GARS1: variants seen among roughly 807,000 people sequenced by gnomAD.
The protein encoded by GARS1 is glycine--tRNA ligase.
Under a neutral mutation model 86.4 loss-of-function variants are expected in GARS1, and 46 were observed. That is an observed-to-expected ratio of 0.53 (90% CI 0.42 to 0.68). The LOEUF is 0.68. GARS1 is among the 30% of genes least tolerant of loss of function. GARS1 has a pLI of 0.00. For missense variants in GARS1, 797 were observed against 915.6 expected, an observed-to-expected ratio of 0.87 and a Z score of 1.67; for synonymous variants, 342 against 329.8, an observed-to-expected ratio of 1.04 and a Z score of -0.40.
intron 14 of GARS1, among the ~76,000 whole-genome samples, chr7:30,629,349 G>A (rs1486119582): frequency 6.6e-6 from 1 of 152,030 alleles, no homozygotes; most frequent in East Asian, 1.9e-4. Context: ...TTTTCTTTTC[G>A]GTCTGATGCT....
At chr7:30,596,517 C>G (rs182731334) in intron 1 of GARS1, among the ~76,000 whole-genome samples, 11 of 152,074 alleles carry the variant, frequency 7.2e-5, no homozygotes, top group African/African-American at 2.4e-4. Context: ...CCAAACCCCT[C>G]CCTCTGCCAC....
intron 6 of GARS1, among the ~76,000 whole-genome samples, chr7:30,606,389 T>A (rs1023872696): frequency 1.3e-5 from 2 of 151,962 alleles, no homozygotes; most frequent in Admixed American, 6.6e-5. Context: ...ACACGATTTG[T>A]AAAGAAAGGT....
intron 4 of GARS1, among the ~76,000 whole-genome samples, chr7:30,601,572 T>G (rs576427798): frequency 6.6e-6 from 1 of 152,240 alleles, no homozygotes; most frequent in African/African-American, 2.4e-5. Flanking sequence ...TTGTGCCATA[T>G]TGAAAGCATT....
At position 30,609,620 on chromosome 7, in the gene GARS1, T is replaced by G; in HGVS notation, c.771T>G (p.Leu257=). The G allele has an allele frequency of 6.2e-7, 1 of 1,613,388 alleles. No homozygotes were observed. ...DNYGQQELAD[L]FVNYNVKSPI... is the part of the protein sequence containing the mutation. ...ATGGACAGCAAGAACTTGCGGATCT[T>G]TTTGTGAACTATAATGTAAAATCTC... Residue 257 remains leucine, a synonymous_variant, in exon 7 of 17, where the codon CTT becomes CTG. Transcript: ENST00000389266.
intron 16 of GARS1, 82 bp from the exon 17 acceptor site, chr7:30,633,653 G>A: frequency 1.3e-6 from 2 of 1,533,548 alleles, no homozygotes; most frequent in Non-Finnish European, 1.8e-6. Flanking sequence ...TCTGTGTAAG[G>A]TTTCCTGAGT....
intron 15 of GARS1, among the ~76,000 whole-genome samples, chr7:30,631,771 T>A (rs764871659): frequency 6.6e-6 from 1 of 152,340 alleles, no homozygotes; most frequent in South Asian, 2.1e-4. Flanking sequence ...AAGAGTCAGA[T>A]TTAAAAATTA....
rs1197741418 is a variant in GARS1 at position 30,609,666 on chromosome 7, TC to T, written c.821del (p.Pro274LeufsTer7). 1 of 1,613,254 alleles carries T rather than the reference TC, an allele frequency of 6.2e-7. No individual in the cohort carries two copies. Among genetic ancestry groups the T allele is most frequent in the East Asian group, 2.2e-5 (1 of 44,826 alleles). On this transcript the variant is annotated frameshift_variant, in exon 7 of 17. Coordinates refer to ENST00000389266, the MANE Select transcript of GARS1 (RefSeq NM_002047.4). LOFTEE classifies it high-confidence loss of function. Reference sequence around the variant, plus strand: ...ATCTCCCATTACTGGAAATGATCTATCCCCTCCAGTGTCTTTTAACTTAATG... The same window carrying T: ...ATCTCCCATTACTGGAAATGATCTATCCCTCCAGTGTCTTTTAACTTAATG... The part of the protein sequence containing the change: ...VKSPITGNDL[S>X]PPVSFNLMFK...
chr7:30,602,050 G>A (rs1791390250), intron 4 of GARS1, among the ~76,000 whole-genome samples: 1 of 151,664 alleles, frequency 6.6e-6, no homozygotes, highest in South Asian at 2.1e-4. Flanking sequence ...CCAAAGTAGG[G>A]CAGAATTTCA....
rs117253158 is a variant in GARS1 at position 30,626,851 on chromosome 7, C to T, written c.1699+532C>T. 0.011 allele frequency among the ~76,000 whole-genome samples: 1,675 copies of T among 152,142 alleles called. 56 individuals are homozygous for T. The East Asian group carries it at 0.12, about 11-fold the overall frequency. Reference sequence around the variant, plus strand: ...CAAAAATTAGCTAGGCATGGAGACACGCACGTGTAATCCCAGCTACTCGGG... The same window carrying T: ...CAAAAATTAGCTAGGCATGGAGACATGCACGTGTAATCCCAGCTACTCGGG... On this transcript the variant is annotated intron_variant, in intron 13 of 16. Coordinates refer to ENST00000389266, the MANE Select transcript of GARS1 (RefSeq NM_002047.4).
intron 13 of GARS1, chr7:30,627,288 G>T: frequency 4.4e-6 from 1 of 227,462 alleles, no homozygotes; most frequent in Admixed American, 5.6e-5. Context: ...ACACTCTGGG[G>T]CTTTTCCGTC....
In GARS1 at chr7:30,607,643, T is replaced by C. The variant is rs907287665; in HGVS notation, c.736-1942T>C. Among the ~76,000 whole-genome samples the C allele has an allele frequency of 1.6e-4, 24 of 152,292 alleles. 1 individual carries two copies. In the South Asian group the frequency reaches 2.7e-3, roughly 17 times the overall value. ...GCAAACCAACATGGCACATGTATAC[T>C]TATGTATCAAACCTGCATGTTGTGC... On this transcript the variant is annotated intron_variant, in intron 6 of 16. Coordinates refer to ENST00000389266, the MANE Select transcript of GARS1 (RefSeq NM_002047.4).
At chr7:30,604,430 ATCTC>A (rs143051111) in intron 6 of GARS1, among the ~76,000 whole-genome samples, 7 of 149,038 alleles carry the variant, frequency 4.7e-5, no homozygotes, top group African/African-American at 7.4e-5. Flanking sequence ...CTTTACACCG[ATCTC>A]TCTCTCTCTC....
chr7:30,602,119 C>T (rs891630236), intron 4 of GARS1, among the ~76,000 whole-genome samples: 29 of 147,110 alleles, frequency 2.0e-4, no homozygotes, highest in Admixed American at 1.2e-3. Context: ...GATGGAGTCT[C>T]GCTCTGTCCC....
intron 1 of GARS1, among the ~76,000 whole-genome samples, chr7:30,596,486 GA>G (rs372037592): frequency 0.034 from 4,883 of 144,074 alleles, 257 homozygotes; most frequent in African/African-American, 0.12. Flanking sequence ...CTAATTTGGA[GA>G]AAAAAAAAAA....
intron 11 of GARS1, 71 bp downstream of exon 11, chr7:30,621,571 C>T: frequency 9.2e-7 from 1 of 1,083,204 alleles, no homozygotes; most frequent in Non-Finnish European, 1.4e-6. Context: ...AAGTCCAAGT[C>T]TTTACCTTGT....
chr7:30,629,348 C>T (rs1181210668), intron 14 of GARS1, among the ~76,000 whole-genome samples: 6 of 152,140 alleles, frequency 3.9e-5, no homozygotes, highest in Non-Finnish European at 2.9e-5. Flanking sequence ...ATTTTCTTTT[C>T]GGTCTGATGC....
chr7:30,614,499 T>A (rs546393151), intron 8 of GARS1, among the ~76,000 whole-genome samples: 4 of 152,356 alleles, frequency 2.6e-5, no homozygotes, highest in Non-Finnish European at 5.9e-5. Flanking sequence ...GCACAGAAGA[T>A]GTTTCCTAGT....
In GARS1 at chr7:30,633,518, C is replaced by G. The variant is rs1011019078; in HGVS notation, c.2095-217C>G. The stretch of plus-strand genomic sequence containing the variant: ...AAATTTAATACACATGAAGTAACTT[C>G]AAGGGACATGGAGATTTAGAAAAGT... On this transcript the variant is annotated intron_variant, in intron 16 of 16. Coordinates refer to ENST00000389266, the MANE Select transcript of GARS1 (RefSeq NM_002047.4). Among the ~76,000 whole-genome samples the G allele has an allele frequency of 5.3e-5, 8 of 152,150 alleles. No individual in the cohort carries two copies. In the South Asian group the frequency reaches 1.0e-3, roughly 20 times the overall value.
At chr7:30,619,776 CTTT>C (rs61613428) in intron 10 of GARS1, among the ~76,000 whole-genome samples, 2 of 124,288 alleles carry the variant, frequency 1.6e-5, no homozygotes, top group Admixed American at 8.1e-5. Context: ...TTCTTTTTTT[CTTT>C]TTTTTTTTTT....
Sources: gnomAD v4.1 joint callset for allele counts (sites outside exome capture counted in the v4.1 genomes callset) on GRCh38, gnomAD v4.1.1 for gene constraint, MANE v1.5 for transcripts, NCBI Gene and HGNC (gene_info 2026-07-23, HGNC 2026-07-21) for gene names.